The following NGEF variants were observed in gnomAD, a reference collection of about 807,000 sequenced individuals.
NGEF encodes neuronal guanine nucleotide exchange factor.
A neutral mutation model predicts 80.9 loss-of-function variants in NGEF; 31 were observed. That is an observed-to-expected ratio of 0.38 (90% confidence interval 0.29 to 0.52). The LOEUF is 0.52. NGEF is among the 20% of genes least tolerant of loss of function. NGEF has a pLI of 0.84. For synonymous variants in NGEF, 371 were observed against 370.2 expected (o/e 1.00, Z -0.03); for missense variants, 709 against 926.2 (o/e 0.77, Z 3.04).
At chr2:232,926,991 C>T in intron 4 of NGEF, 53 bp downstream of exon 4, 2 of 1,612,574 alleles carry the variant, frequency 1.2e-6, no homozygotes, top group Non-Finnish European at 8.5e-7. Context: ...CCTCAGAGTC[C>T]TCCAGGGACC....
intron 9 of NGEF, 29 bp downstream of exon 9, chr2:232,888,004 G>A (rs1312450126): frequency 3.8e-6 from 6 of 1,578,564 alleles, no homozygotes; most frequent in Non-Finnish European, 5.2e-6. Context: ...AGTGCATTGG[G>A]ATACAGCACA....
intron 3 of NGEF, among the ~76,000 whole-genome samples, chr2:232,929,546 G>A (rs1226478685): frequency 6.6e-6 from 1 of 152,158 alleles, no homozygotes; most frequent in Non-Finnish European, 1.5e-5. Context: ...GGCCAGAACG[G>A]GCAGGTCTGG....
At chr2:232,906,771 C>A (rs917630272) in intron 5 of NGEF, among the ~76,000 whole-genome samples, 2 of 151,326 alleles carry the variant, frequency 1.3e-5, no homozygotes, top group African/African-American at 2.4e-5. Flanking sequence ...ATTGAGAAAT[C>A]GGATGGTTGC....
rs1491045889 is a variant in NGEF at position 232,995,572 on chromosome 2, A to ATGTATAC, written c.-75+17495_-75+17496insGTATACA. The stretch of plus-strand genomic sequence containing the variant: ...ATACTATATACAGTATGTATACTGT[A>ATGTATAC]TATATATATACAGTATGTATACTGT... On this transcript the variant is annotated intron_variant, in intron 1 of 14. Transcript: ENST00000264051. 8.0e-3 allele frequency among the ~76,000 whole-genome samples: 9 copies of ATGTATAC among 1,126 alleles called. 2 individuals are homozygous for ATGTATAC. The highest frequency in any genetic ancestry group is 0.031 in the East Asian group (1 of 32). The allele number at this position is 1,126 out of a possible 152,430, so 0.7% of individuals were successfully genotyped here. A position where few individuals can be genotyped will look rare whatever the true frequency, so the allele number is the denominator to read the frequency against.
intron 1 of NGEF, among the ~76,000 whole-genome samples, chr2:233,009,171 G>A (rs757363450): frequency 5.3e-5 from 8 of 152,008 alleles, no homozygotes; most frequent in East Asian, 3.9e-4. Context: ...TCATCCCTGC[G>A]TCCCTGCTCC....
intron 14 of NGEF, 150 bp downstream of exon 14, chr2:232,880,996 G>A: frequency 1.5e-6 from 1 of 650,412 alleles, no homozygotes; most frequent in Non-Finnish European, 2.7e-6. Flanking sequence ...GCCAGCATGG[G>A]CAGTGTCCAA....
intron 8 of NGEF, among the ~76,000 whole-genome samples, chr2:232,890,114 G>T (rs1691830831): frequency 6.7e-6 from 1 of 149,650 alleles, no homozygotes; most frequent in South Asian, 2.1e-4. Flanking sequence ...GGCAAAGGGG[G>T]TCTCTGTCCT....
intron 3 of NGEF, among the ~76,000 whole-genome samples, chr2:232,948,828 G>A (rs1335170004): frequency 6.6e-6 from 1 of 152,092 alleles, no homozygotes; most frequent in African/African-American, 2.4e-5. Flanking sequence ...GACTCGCCTG[G>A]CCAACATGGT....
chr2:232,999,915 A>C (rs894315540), intron 1 of NGEF, among the ~76,000 whole-genome samples: 21 of 152,366 alleles, frequency 1.4e-4, no homozygotes, highest in African/African-American at 4.8e-4. Context: ...ATTTATAAAA[A>C]GGTCGGCTAA....
intron 1 of NGEF, among the ~76,000 whole-genome samples, chr2:233,006,074 C>T (rs1574667557): frequency 6.6e-6 from 1 of 152,330 alleles, no homozygotes; most frequent in East Asian, 1.9e-4. Context: ...ACCTTGGCCT[C>T]CCAAAATCTG....
intron 1 of NGEF, among the ~76,000 whole-genome samples, chr2:233,009,213 T>G (rs1559247077): frequency 6.6e-6 from 1 of 152,216 alleles, no homozygotes; most frequent in Non-Finnish European, 1.5e-5. Context: ...AGCAGTCTAC[T>G]GTCTGTCATC....
At chr2:232,920,254 G>T in intron 5 of NGEF, 30 bp downstream of exon 5, 1 of 1,591,638 alleles carries the variant, frequency 6.3e-7, no homozygotes. Context: ...GTGTGCTGTG[G>T]GGGAGCCCCC....
intron 5 of NGEF, among the ~76,000 whole-genome samples, chr2:232,900,290 TCA>T (rs1381792618): frequency 1.2e-5 from 1 of 80,822 alleles, no homozygotes; most frequent in East Asian, 3.3e-4. Context: ...ACACACGCTC[TCA>T]GTCACTCATA....
chr2:232,946,429 T>A (rs920690974), intron 3 of NGEF, among the ~76,000 whole-genome samples: 1 of 152,034 alleles, frequency 6.6e-6, no homozygotes, highest in Non-Finnish European at 1.5e-5. Context: ...CAATAACCTA[T>A]GGAAATAAAA....
intron 2 of NGEF, among the ~76,000 whole-genome samples, chr2:232,971,141 C>A (rs904827799): frequency 1.3e-5 from 2 of 152,182 alleles, no homozygotes; most frequent in Non-Finnish European, 2.9e-5. Flanking sequence ...GCAGATGAAA[C>A]AGAGAATGTC....
intron 3 of NGEF, among the ~76,000 whole-genome samples, chr2:232,968,093 CT>C (rs1274944227): frequency 9.9e-4 from 124 of 125,488 alleles, no homozygotes; most frequent in Non-Finnish European, 1.1e-3. Flanking sequence ...ACAGACCTGG[CT>C]TTTTTTTTTT....
chr2:232,913,780 C>T (rs1313920950), intron 5 of NGEF, among the ~76,000 whole-genome samples: 2 of 151,882 alleles, frequency 1.3e-5, no homozygotes, highest in African/African-American at 4.8e-5. Context: ...ATTAGCTGGG[C>T]GTGGTGGCAC....
At chr2:232,898,935 G>T (rs1472021582) in intron 5 of NGEF, among the ~76,000 whole-genome samples, 1 of 152,074 alleles carries the variant, frequency 6.6e-6, no homozygotes, top group Non-Finnish European at 1.5e-5. Context: ...TATGGGTGTG[G>T]CTGTGAGAGC....
chr2:232,888,451 G>C (rs559617118), intron 8 of NGEF, among the ~76,000 whole-genome samples: 1 of 151,920 alleles, frequency 6.6e-6, no homozygotes, highest in Non-Finnish European at 1.5e-5. Context: ...TGCACAACAC[G>C]ATGCATGCAC....
Sources: gnomAD v4.1 joint callset for allele counts (sites outside exome capture counted in the v4.1 genomes callset) on GRCh38, gnomAD v4.1.1 for gene constraint, MANE v1.5 for transcripts, NCBI Gene and HGNC (gene_info 2026-07-23, HGNC 2026-07-21) for gene names.